The following SSBP3 variants were observed in gnomAD, a reference collection of about 807,000 sequenced individuals.
The protein encoded by SSBP3 is single stranded DNA binding protein 3, also known as single-stranded DNA-binding protein 3.
Under a neutral mutation model 69.6 loss-of-function variants are expected in SSBP3, and 5 were observed. The observed-to-expected ratio is 0.07, with a 90% confidence interval of 0.04 to 0.15. The LOEUF is 0.15. Ranked by LOEUF, SSBP3 falls within the 10% of genes least tolerant of loss-of-function variation. The probability of loss-of-function intolerance (pLI) is 1.00; values close to 1 mark genes in which losing one functional copy is unlikely to be tolerated. For synonymous variants in SSBP3, 196 were observed against 193.4 expected, an observed-to-expected ratio of 1.01 and a Z score of -0.11; for missense variants, 312 against 534.0, an observed-to-expected ratio of 0.58 and a Z score of 4.10.
chr1:54,353,360 A>T (rs1023763093), intron 4 of SSBP3, among the ~76,000 whole-genome samples: 1 of 152,164 alleles, frequency 6.6e-6, no homozygotes, highest in African/African-American at 2.4e-5. Flanking sequence ...TTCAGATCCT[A>T]CAGGTTCCAG....
chr1:54,282,999 G>A (rs897616408), intron 4 of SSBP3, among the ~76,000 whole-genome samples: 1 of 152,168 alleles, frequency 6.6e-6, no homozygotes, highest in African/African-American at 2.4e-5. Context: ...GGGCGTGGTG[G>A]CTCACTCCTG....
chr1:54,240,094 G>A (rs1396188242), intron 13 of SSBP3, among the ~76,000 whole-genome samples: 8 of 13,568 alleles, frequency 5.9e-4, no homozygotes, highest in Admixed American at 1.1e-3. Flanking sequence ...GTGTGCGCGC[G>A]CGCGCGTGTG....
Position 54,401,965 on chromosome 1 carries a change from A to G in SSBP3, c.192-20T>C, listed in dbSNP as rs372931392. The G allele has an allele frequency of 1.1e-5, 18 of 1,607,210 alleles. No individual in the cohort carries two copies. Among genetic ancestry groups the G allele is most frequent in the African/African-American group, 2.7e-5 (2 of 74,812 alleles). On this transcript the variant is annotated intron_variant, in intron 3 of 17. Coordinates refer to ENST00000610401, the Ensembl canonical transcript of SSBP3. ...AATACACTGCGAGGAGGAAAATAAA[A>G]TAAGGTCAGGTTACTAATTATTACT... is the stretch of plus-strand genomic sequence containing the variant.
At chr1:54,405,073 C>G in intron 1 of SSBP3, 143 bp from the exon 2 acceptor site, 2 of 721,266 alleles carry the variant, frequency 2.8e-6, no homozygotes, top group South Asian at 3.2e-5. Flanking sequence ...CTAGCTCACC[C>G]CAAACAGGGC....
intron 4 of SSBP3, among the ~76,000 whole-genome samples, chr1:54,371,389 A>G (rs1647131347): frequency 6.6e-6 from 1 of 152,218 alleles, no homozygotes; most frequent in Admixed American, 6.5e-5. Context: ...CACACCTTAC[A>G]TGATGACTTG....
intron 4 of SSBP3, among the ~76,000 whole-genome samples, chr1:54,395,304 G>T (rs1648786726): frequency 6.6e-6 from 1 of 152,168 alleles, no homozygotes; most frequent in Non-Finnish European, 1.5e-5. Context: ...TAAAGAGATG[G>T]ACCTTGAGAA....
At chr1:54,251,740 G>C (rs975232429) in intron 8 of SSBP3, 48 bp from the exon 9 acceptor site, 11 of 1,589,984 alleles carry the variant, frequency 6.9e-6, no homozygotes, top group Admixed American at 1.8e-5. Flanking sequence ...GTGGAGGGAG[G>C]AGGAGCCCCT....
chr1:54,343,914 G>A (rs1485208966), intron 4 of SSBP3, among the ~76,000 whole-genome samples: 1 of 152,226 alleles, frequency 6.6e-6, no homozygotes, highest in African/African-American at 2.4e-5. Context: ...TGTTAACACA[G>A]GTTCCGGAAT....
intron 4 of SSBP3, among the ~76,000 whole-genome samples, chr1:54,393,465 A>C (rs1648641522): frequency 6.6e-6 from 1 of 152,122 alleles, no homozygotes; most frequent in South Asian, 2.1e-4. Flanking sequence ...GGAAGCCAGA[A>C]CTCAGACCAG....
intron 14 of SSBP3, chr1:54,237,181 C>A (rs182924465): frequency 6.6e-6 from 1 of 152,178 alleles, no homozygotes; most frequent in African/African-American, 2.4e-5. Flanking sequence ...TTGACGCACT[C>A]GGAAGCACGA....
chr1:54,281,593 C>T (rs1377466200), intron 4 of SSBP3, 66 bp from the exon 5 acceptor site: 7 of 1,442,918 alleles, frequency 4.9e-6, no homozygotes, highest in Non-Finnish European at 5.7e-6. Flanking sequence ...AGTTCTGACC[C>T]CTGGACTTGG....
intron 4 of SSBP3, among the ~76,000 whole-genome samples, chr1:54,360,554 AT>A (rs1278681953): frequency 1.3e-5 from 2 of 152,196 alleles, no homozygotes; most frequent in Non-Finnish European, 2.9e-5. Context: ...TGGCCTGGGA[AT>A]GGCTTTGATC....
chr1:54,332,869 T>C (rs1305480013), intron 4 of SSBP3, among the ~76,000 whole-genome samples: 4 of 152,170 alleles, frequency 2.6e-5, no homozygotes, highest in Non-Finnish European at 5.9e-5. Context: ...ACAAGTAAAG[T>C]GTGTCACTGC....
chr1:54,369,312 T>TGGGGGGGGGGGG (rs60597425), intron 4 of SSBP3, among the ~76,000 whole-genome samples: 1 of 42,880 alleles, frequency 2.3e-5, no homozygotes, highest in Non-Finnish European at 4.9e-5. Flanking sequence ...GGGACGGGGG[T>TGGGGGGGGGGGG]GGGGGGGCAC....
chr1:54,280,074 G>A (rs917775559), intron 5 of SSBP3, among the ~76,000 whole-genome samples: 1 of 152,174 alleles, frequency 6.6e-6, no homozygotes, highest in Non-Finnish European at 1.5e-5. Flanking sequence ...TGCCCCGGAT[G>A]GCCATCCTGC....
At chr1:54,241,378 G>A (rs928502147) in intron 12 of SSBP3, 96 bp downstream of exon 12, 222 of 1,306,374 alleles carry the variant, frequency 1.7e-4, no homozygotes, top group Non-Finnish European at 2.2e-4. Flanking sequence ...TCAGAAGAAT[G>A]TGTGAAAGGG....
chr1:54,328,643 G>A (rs1646352698), intron 4 of SSBP3, among the ~76,000 whole-genome samples: 1 of 152,180 alleles, frequency 6.6e-6, no homozygotes, highest in African/African-American at 2.4e-5. Flanking sequence ...AAACGCTGGG[G>A]TTCCTCCAGT....
rs375279866 is a variant in SSBP3, at chr1:54,265,226, G to A, written c.367-7077C>T. Among the ~76,000 whole-genome samples, 4 of 152,202 alleles carry A rather than the reference G, an allele frequency of 2.6e-5. No homozygotes were observed. The South Asian group carries it at 8.3e-4, about 31-fold the overall frequency. On this transcript the variant is annotated intron_variant, in intron 5 of 17. Transcript: ENST00000610401. ...GGAAAGCAAGTCAATTTTACATGCAGTCTTTGGCGGAAACGTTATTTCTTC... is the reference window on the plus strand; with the variant it reads ...GGAAAGCAAGTCAATTTTACATGCAATCTTTGGCGGAAACGTTATTTCTTC...
At chr1:54,377,979 C>T (rs1647309418) in intron 4 of SSBP3, among the ~76,000 whole-genome samples, 1 of 152,028 alleles carries the variant, frequency 6.6e-6, no homozygotes, top group African/African-American at 2.4e-5. Context: ...AATAATGAAG[C>T]CGTGCCGATT....
Sources: allele counts gnomAD v4.1 joint callset (sites outside exome capture counted in the v4.1 genomes callset), GRCh38; gene constraint gnomAD v4.1.1; transcripts MANE v1.5; gene names NCBI Gene and HGNC (gene_info 2026-07-23, HGNC 2026-07-21).